GGA2: variants seen among roughly 807,000 people sequenced by gnomAD.
GGA2 encodes golgi associated, gamma adaptin ear containing, ARF binding protein 2.
In GGA2, 48 loss-of-function variants were observed where a neutral mutation model predicts 79.5. The ratio of observed to expected loss-of-function variants is 0.60; its 90% CI spans 0.48 to 0.77. The LOEUF (loss-of-function observed/expected upper bound fraction) is 0.77, where lower values mean the gene tolerates loss of function less well. Among genes scored for constraint, GGA2 ranks in the 30% least tolerant of loss-of-function variants. The pLI is 0.00. For missense variants in GGA2, 770 were observed against 774.0 expected (o/e 0.99, Z 0.06); for synonymous variants, 317 against 302.0 (o/e 1.05, Z -0.51).
chr16:23,520,849 T>C (rs1453165075), intron 1 of GGA2, among the ~76,000 whole-genome samples: 1 of 152,136 alleles, frequency 6.6e-6, no homozygotes, highest in Non-Finnish European at 1.5e-5. Flanking sequence ...AGTACAATGG[T>C]GTGATCTTGG....
At chr16:23,510,529 C>T (rs1438702984), upstream of GGA2, 3 of 401,196 alleles carry the variant, frequency 7.5e-6, no homozygotes, top group Non-Finnish European at 8.5e-6. Context: ...CGGGGCGGGG[C>T]CGCTGGCGCC....
At chr16:23,504,756 C>A (rs927214673) in intron 1 of GGA2, among the ~76,000 whole-genome samples, 1 of 152,192 alleles carries the variant, frequency 6.6e-6, no homozygotes, top group South Asian at 2.1e-4. Context: ...ATCCCAGACT[C>A]CAAGGTGGTT....
chr16:23,476,083 G>A (rs1964573959), intron 13 of GGA2, among the ~76,000 whole-genome samples: 1 of 152,176 alleles, frequency 6.6e-6, no homozygotes, highest in Non-Finnish European at 1.5e-5. Context: ...TCCCAGGTGT[G>A]ATCACAAAGG....
chr16:23,513,032 C>G (rs1474104558), upstream of GGA2, among the ~76,000 whole-genome samples: 2 of 152,102 alleles, frequency 1.3e-5, no homozygotes, highest in Non-Finnish European at 2.9e-5. Context: ...ACATATTTAT[C>G]TCTTGAAGAT....
At chr16:23,470,306 T>C in intron 14 of GGA2, 141 bp from the exon 15 acceptor site, 1 of 578,296 alleles carries the variant, frequency 1.7e-6, no homozygotes, top group Non-Finnish European at 2.9e-6. Context: ...TCCTCTGCAC[T>C]ACCATAATCC....
rs1389850700 is a variant in GGA2, at chr16:23,494,287, G to A, written c.252+16C>T. The A allele has an allele frequency of 1.3e-6, 2 of 1,554,428 alleles. No individual in the cohort carries two copies. The highest frequency in any genetic ancestry group is 1.8e-6 in the Non-Finnish European group (2 of 1,125,324). ...AAGGACAGGAAAGGTTAGGCTACAA[G>A]GCAAGCCAAACTCACCGTTAAGGCA... On this transcript the variant is annotated intron_variant, in intron 3 of 16. Transcript: ENST00000309859.
chr16:23,475,807 G>A (rs1228304818), intron 13 of GGA2, among the ~76,000 whole-genome samples: 1 of 151,990 alleles, frequency 6.6e-6, no homozygotes, highest in African/African-American at 2.4e-5. Flanking sequence ...GCACACGCTT[G>A]TAATACCAGC....
chr16:23,511,411 G>A (rs1174709792), upstream of GGA2, among the ~76,000 whole-genome samples: 1 of 151,034 alleles, frequency 6.6e-6, no homozygotes, highest in Non-Finnish European at 1.5e-5. Flanking sequence ...TGCCCGCTTC[G>A]CCCTCCCAAA....
At chr16:23,470,847 T>G (rs1272292645) in intron 14 of GGA2, among the ~76,000 whole-genome samples, 2 of 79,588 alleles carry the variant, frequency 2.5e-5, no homozygotes, top group Non-Finnish European at 5.0e-5. Flanking sequence ...TTTTTTTTTT[T>G]GGACAGACTT....
At chr16:23,522,425 G>T (rs1271739560), upstream of GGA2, 1 of 152,450 alleles carries the variant, frequency 6.6e-6, no homozygotes, top group Non-Finnish European at 1.5e-5. Context: ...AGACAAGATT[G>T]GCCATTAGCT....
chr16:23,517,917 CTTAT>C (rs1965111437), intron 2 of GGA2, among the ~76,000 whole-genome samples: 1 of 146,006 alleles, frequency 6.8e-6, no homozygotes, highest in African/African-American at 2.5e-5. Flanking sequence ...TATTTATTTA[CTTAT>C]TTATTTTTAT....
intron 8 of GGA2, among the ~76,000 whole-genome samples, chr16:23,484,076 G>A (rs1369535744): frequency 6.6e-6 from 1 of 150,898 alleles, no homozygotes; most frequent in African/African-American, 2.4e-5. Context: ...ATCACCTCAG[G>A]CCAGGGTTCA....
chr16:23,486,045 C>T lies in GGA2; in HGVS notation c.768G>A (p.Gly256=). 4 of 1,614,172 alleles carry T rather than the reference C, an allele frequency of 2.5e-6. No homozygotes were observed. Among genetic ancestry groups the T allele is most frequent in the Non-Finnish European group, 3.4e-6 (4 of 1,180,002 alleles). ...GGGCCTCCTGGTCGGGCGGGGCCTG[C>T]CCTGGCCTGCGGTACATGCTCAGCA... is the stretch of plus-strand genomic sequence containing the variant. ...QEMLSMYRRP[G]QAPPDQEALQ... is the part of the protein sequence containing the mutation. The change falls in exon 8 of 17, where the codon GGG becomes GGA. Residue 256 remains glycine (G), a synonymous_variant. Coordinates refer to ENST00000309859, the MANE Select transcript of GGA2 (RefSeq NM_015044.4).
rs1037445737 is a variant in GGA2 at position 23,510,493 on chromosome 16, G to A, written c.-82C>T. 3 of 506,674 alleles carry A rather than the reference G, an allele frequency of 5.9e-6. No homozygotes were observed. Among genetic ancestry groups the A allele is most frequent in the Admixed American group, 4.5e-5 (1 of 22,328 alleles). 31.4% of individuals were successfully genotyped at this position (506,674 alleles called of 1,614,324 possible). Reference sequence around the variant, plus strand: ...GTCCTGGCGCTCTCCTCTGCTGACTGCGCGGCAGGAGCGGTGGACACGTGA... The same window carrying A: ...GTCCTGGCGCTCTCCTCTGCTGACTACGCGGCAGGAGCGGTGGACACGTGA... On this transcript the variant is annotated 5_prime_UTR_variant, in exon 1 of 17. Coordinates refer to ENST00000309859, the MANE Select transcript of GGA2 (RefSeq NM_015044.4).
Position 23,492,728 on chromosome 16 carries a change from GT to G in GGA2, c.351+631del, listed in dbSNP as rs376129938. 5.9e-3 allele frequency among the ~76,000 whole-genome samples: 898 copies of G among 152,292 alleles called. 8 individuals are homozygous for G. Among genetic ancestry groups the G allele is most frequent in the South Asian group, 0.021 (103 of 4,824 alleles). On this transcript the variant is annotated intron_variant, in intron 4 of 16. Transcript: ENST00000309859. ...CTAGGGAATTATGGAATATGGGGCG[GT>G]GGGGGTCATAGGAACCCCTGAATCT...
chr16:23,500,232 C>T (rs1440164409), intron 1 of GGA2, among the ~76,000 whole-genome samples: 2 of 152,196 alleles, frequency 1.3e-5, no homozygotes, highest in Admixed American at 6.5e-5. Context: ...GCCCTGCCAG[C>T]GTGCCTTTGC....
At chr16:23,521,811 G>A (rs1248861542) in exon 1 of GGA2, 1 of 455,198 alleles carries the variant, frequency 2.2e-6, no homozygotes, top group Non-Finnish European at 4.4e-6. Flanking sequence ...GAGCCAAGAA[G>A]CTCCTTTTAA....
At position 23,510,346 on chromosome 16, in the gene GGA2, CG is replaced by C. The variant is rs1567371981; in HGVS notation, c.65del (p.Pro22ArgfsTer32). The C allele has an allele frequency of 1.6e-5, 23 of 1,435,504 alleles. No individual in the cohort carries two copies. The highest frequency in any genetic ancestry group is 2.1e-5 in the Non-Finnish European group (23 of 1,095,342). The allele number at this position is 1,435,504 out of a possible 1,614,324, so 88.9% of individuals were successfully genotyped here. On this transcript the variant is annotated frameshift_variant, in exon 1 of 17. Transcript: ENST00000309859. LOFTEE classifies it high-confidence loss of function. ...TGAGCCACAGCTCCAGCGACGCTGCCGGGCCCGGGGGACCCTGGGCCGACTC... is the reference window on the plus strand; with the variant it reads ...TGAGCCACAGCTCCAGCGACGCTGCCGGCCCGGGGGACCCTGGGCCGACTC... ...GTESAQGPPG[P>X]AASLELWLNK...
At chr16:23,475,986 C>A (rs866517672) in intron 13 of GGA2, among the ~76,000 whole-genome samples, 1 of 151,842 alleles carries the variant, frequency 6.6e-6, no homozygotes, top group African/African-American at 2.4e-5. Flanking sequence ...TAATAAGAAC[C>A]CAATAACCTA....
Sources: allele counts gnomAD v4.1 joint callset (sites outside exome capture counted in the v4.1 genomes callset), GRCh38; gene constraint gnomAD v4.1.1; transcripts MANE v1.5; gene names NCBI Gene and HGNC (gene_info 2026-07-23, HGNC 2026-07-21).